FAF1: variants seen among roughly 807,000 people sequenced by gnomAD.
FAF1 encodes the protein Fas associated factor 1, also known as FAS-associated factor 1.
Under a neutral mutation model 92.5 loss-of-function variants are expected in FAF1, and 25 were observed. The ratio of observed to expected loss-of-function variants is 0.27; its 90% CI spans 0.20 to 0.38. FAF1 has a LOEUF of 0.38. Among genes scored for constraint, FAF1 ranks in the 10% least tolerant of loss-of-function variants. FAF1 has a pLI of 1.00. For synonymous variants in FAF1, 234 were observed against 273.2 expected (o/e 0.86, Z 1.42); for missense variants, 636 against 793.3 (o/e 0.80, Z 2.38).
At chr1:50,853,116 A>G (rs1644364046) in intron 2 of FAF1, among the ~76,000 whole-genome samples, 1 of 152,188 alleles carries the variant, frequency 6.6e-6, no homozygotes. Context: ...TAGTCTATTC[A>G]TTCATAAAAC....
intron 8 of FAF1, among the ~76,000 whole-genome samples, chr1:50,641,739 T>C (rs1249410960): frequency 6.6e-6 from 1 of 152,218 alleles, no homozygotes; most frequent in East Asian, 1.9e-4. Context: ...TTACCTATCA[T>C]TTTTCTGTAA....
intron 3 of FAF1, among the ~76,000 whole-genome samples, chr1:50,797,912 A>G (rs1661823747): frequency 6.6e-6 from 1 of 152,190 alleles, no homozygotes; most frequent in African/African-American, 2.4e-5. Flanking sequence ...TAAAACTTCA[A>G]CCAAATAAGT....
intron 2 of FAF1, among the ~76,000 whole-genome samples, chr1:50,834,168 T>G (rs953439815): frequency 6.6e-6 from 1 of 152,228 alleles, no homozygotes; most frequent in South Asian, 2.1e-4. Flanking sequence ...GCGCCAGCCA[T>G]GTAGGACGTG....
chr1:50,594,142 G>T (rs1005625980), intron 9 of FAF1, among the ~76,000 whole-genome samples: 1 of 151,686 alleles, frequency 6.6e-6, no homozygotes, highest in African/African-American at 2.4e-5. Flanking sequence ...GTGAAACCCC[G>T]TCTCTATTAA....
At chr1:50,846,494 TC>T in intron 2 of FAF1, 1 of 490,116 alleles carries the variant, frequency 2.0e-6, no homozygotes, top group Admixed American at 2.2e-5. Flanking sequence ...CTGGCTTTAA[TC>T]CTGAAAGCCA....
At chr1:50,483,389 A>T (rs1039762973) in intron 17 of FAF1, among the ~76,000 whole-genome samples, 2 of 152,096 alleles carry the variant, frequency 1.3e-5, no homozygotes, top group Non-Finnish European at 2.9e-5. Flanking sequence ...TGTCTTGATT[A>T]TAGTAAGTCC....
intron 6 of FAF1, among the ~76,000 whole-genome samples, chr1:50,717,529 G>A (rs951304523): frequency 2.6e-5 from 4 of 152,128 alleles, no homozygotes; most frequent in Non-Finnish European, 5.9e-5. Flanking sequence ...AGCCCAAGGG[G>A]ACTAATATAA....
intron 18 of FAF1, among the ~76,000 whole-genome samples, chr1:50,472,973 T>C (rs1242519134): frequency 6.6e-6 from 1 of 152,150 alleles, no homozygotes; most frequent in Non-Finnish European, 1.5e-5. Flanking sequence ...TGGGCTTTCT[T>C]AGTTTAGGTC....
At chr1:50,783,408 A>G (rs908308000) in intron 4 of FAF1, among the ~76,000 whole-genome samples, 3 of 152,210 alleles carry the variant, frequency 2.0e-5, no homozygotes, top group Admixed American at 6.5e-5. Flanking sequence ...AGACGAAAAG[A>G]AAACTACAGT....
In FAF1 at chr1:50,583,790, C is replaced by T. The variant is rs1651099519; in HGVS notation, c.968-75G>A. On this transcript the variant is annotated intron_variant, in intron 10 of 18. Transcript: ENST00000396153. The surrounding 1 kb of genome is among the most constrained non-coding windows in gnomAD (Gnocchi z 4.2). ...GACACAAAAACAAACCACATAACAT[C>T]TAATCCCACATATAAGAAATATATT... The T allele has an allele frequency of 2.5e-6, 2 of 786,240 alleles. No individual in the cohort carries two copies. Among genetic ancestry groups the T allele is most frequent in the South Asian group, 1.9e-5 (1 of 52,024 alleles). The allele number at this position is 786,240 out of a possible 1,614,324, so 48.7% of individuals were successfully genotyped here.
chr1:50,492,499 G>A (rs545265709), intron 15 of FAF1, among the ~76,000 whole-genome samples: 129 of 152,140 alleles, frequency 8.5e-4, no homozygotes, highest in African/African-American at 2.7e-3. Context: ...TTTAAATCAC[G>A]AATTCATTTA....
At chr1:50,740,834 AACAC>A (rs147632431) in intron 5 of FAF1, among the ~76,000 whole-genome samples, 9 of 150,806 alleles carry the variant, frequency 6.0e-5, no homozygotes, top group African/African-American at 1.9e-4. Context: ...ACATGCAAAC[AACAC>A]ACACACACAC....
At chr1:50,607,743 T>C (rs1245733329) in intron 8 of FAF1, among the ~76,000 whole-genome samples, 1 of 152,226 alleles carries the variant, frequency 6.6e-6, no homozygotes, top group Non-Finnish European at 1.5e-5. Context: ...AAACACTTGG[T>C]ATCTTTTGGT....
intron 6 of FAF1, among the ~76,000 whole-genome samples, chr1:50,736,166 C>G (rs1438998055): frequency 6.6e-6 from 1 of 152,170 alleles, no homozygotes; most frequent in Non-Finnish European, 1.5e-5. Context: ...CATAAACCTT[C>G]CCATTTTACT....
chr1:50,897,529 A>T (rs1184913314), intron 1 of FAF1, among the ~76,000 whole-genome samples: 1 of 152,230 alleles, frequency 6.6e-6, no homozygotes, highest in Admixed American at 6.5e-5. Context: ...GTCACTTCCA[A>T]TGTGACTCCT....
intron 1 of FAF1, among the ~76,000 whole-genome samples, chr1:50,941,867 T>G (rs1434504936): frequency 6.6e-6 from 1 of 152,252 alleles, no homozygotes; most frequent in Non-Finnish European, 1.5e-5. Flanking sequence ...CATGTAAATT[T>G]TATACATACT....
intron 18 of FAF1, among the ~76,000 whole-genome samples, chr1:50,471,651 C>G (rs892183196): frequency 6.6e-6 from 1 of 152,134 alleles, no homozygotes; most frequent in East Asian, 1.9e-4. Context: ...GAAAAAGGCA[C>G]GTTCCCTAGG....
intron 8 of FAF1, among the ~76,000 whole-genome samples, chr1:50,633,849 A>G (rs909530467): frequency 1.3e-5 from 2 of 152,160 alleles, no homozygotes; most frequent in Admixed American, 1.3e-4. Context: ...GCTGTCTGTA[A>G]TTTTATCTCT....
intron 8 of FAF1, among the ~76,000 whole-genome samples, chr1:50,609,919 C>T (rs1027148152): frequency 2.0e-5 from 3 of 152,168 alleles, no homozygotes; most frequent in Non-Finnish European, 4.4e-5. Flanking sequence ...CCCACACCCC[C>T]ACAGTTAGCT....
Sources: allele counts gnomAD v4.1 joint callset (sites outside exome capture counted in the v4.1 genomes callset), GRCh38; gene constraint gnomAD v4.1.1; non-coding constraint Gnocchi (gnomAD v3.1); transcripts MANE v1.5; gene names NCBI Gene and HGNC (gene_info 2026-07-23, HGNC 2026-07-21).